Variants in SUSD4 observed in about 807,000 individuals in gnomAD.
The protein encoded by SUSD4 is sushi domain containing 4.
In SUSD4, 41 loss-of-function variants were observed where a neutral mutation model predicts 50.5. The ratio of observed to expected loss-of-function variants is 0.81; its 90% confidence interval spans 0.63 to 1.05. The LOEUF (loss-of-function observed/expected upper bound fraction) is 1.05. Ranked by LOEUF, SUSD4 falls within the 50% of genes least tolerant of loss-of-function variation. The pLI is 0.00. For missense variants in SUSD4, 580 were observed against 634.7 expected (o/e 0.91, Z 0.93); for synonymous variants, 257 against 257.3 (o/e 1.00, Z 0.01).
At chr1:223,323,180 AAAAGGAAGGAG>A (rs1666681377) in intron 2 of SUSD4, among the ~76,000 whole-genome samples, 1 of 151,838 alleles carries the variant, frequency 6.6e-6, no homozygotes, top group South Asian at 2.1e-4. Flanking sequence ...GAGAGTGACA[AAAAGGAAGGAG>A]GAAGGAAGGA....
At chr1:223,270,520 T>C (rs1175808562) in intron 3 of SUSD4, among the ~76,000 whole-genome samples, 1 of 152,144 alleles carries the variant, frequency 6.6e-6, no homozygotes, top group African/African-American at 2.4e-5. Context: ...AAGAACTGTG[T>C]TCTGGCTTTG....
chr1:223,266,971 C>T (rs1360347790), intron 4 of SUSD4, among the ~76,000 whole-genome samples: 1 of 152,212 alleles, frequency 6.6e-6, no homozygotes, highest in Non-Finnish European at 1.5e-5. Context: ...CAGGCCAGGG[C>T]ACCCACCCCC....
intron 2 of SUSD4, among the ~76,000 whole-genome samples, chr1:223,319,608 C>G (rs1015902563): frequency 2.6e-5 from 4 of 152,154 alleles, no homozygotes; most frequent in Non-Finnish European, 5.9e-5. Context: ...GAAAATTCAC[C>G]AACACACCAA....
intron 2 of SUSD4, among the ~76,000 whole-genome samples, chr1:223,342,192 G>A (rs985771718): frequency 6.6e-6 from 1 of 152,130 alleles, no homozygotes; most frequent in African/African-American, 2.4e-5. Context: ...GTGTCCTACT[G>A]TTTCTCTAGT....
chr1:223,300,633 G>A (rs1485283169), intron 2 of SUSD4, among the ~76,000 whole-genome samples: 1 of 151,732 alleles, frequency 6.6e-6, no homozygotes, highest in Non-Finnish European at 1.5e-5. Context: ...ACTGCTATAT[G>A]AGGCTTTGGA....
chr1:223,362,940 A>ACC (rs1411258473), intron 2 of SUSD4, among the ~76,000 whole-genome samples: 28 of 66,248 alleles, frequency 4.2e-4, no homozygotes, highest in African/African-American at 1.4e-3. Context: ...CCCACCCCCC[A>ACC]CCCCTCCCCC....
At chr1:223,324,363 T>C (rs892558275) in intron 2 of SUSD4, among the ~76,000 whole-genome samples, 3 of 151,470 alleles carry the variant, frequency 2.0e-5, no homozygotes, top group African/African-American at 7.3e-5. Context: ...GTGACTGTCA[T>C]CCATTGGCTG....
intron 3 of SUSD4, among the ~76,000 whole-genome samples, chr1:223,284,098 GGA>G (rs1558214067): frequency 1.4e-5 from 2 of 143,184 alleles, no homozygotes; most frequent in Non-Finnish European, 3.1e-5. Context: ...GGGGGAGGGG[GGA>G]GGGAAAGCAT....
At chr1:223,356,164 A>AT (rs11429350) in intron 2 of SUSD4, among the ~76,000 whole-genome samples, 38,848 of 146,752 alleles carry the variant, frequency 0.26, 5,067 homozygotes, top group African/African-American at 0.31. Flanking sequence ...AATTATTTCT[A>AT]TTTTTTTTTT....
At chr1:223,308,786 T>C (rs1665702803) in intron 2 of SUSD4, among the ~76,000 whole-genome samples, 1 of 152,174 alleles carries the variant, frequency 6.6e-6, no homozygotes, top group African/African-American at 2.4e-5. Flanking sequence ...CCTTCTATTC[T>C]GAGGGCAGCA....
At chr1:223,300,745 C>G (rs1180310983) in intron 2 of SUSD4, among the ~76,000 whole-genome samples, 2 of 152,188 alleles carry the variant, frequency 1.3e-5, no homozygotes, top group East Asian at 3.9e-4. Flanking sequence ...AAAGTTTAAA[C>G]AGACGGATTT....
intron 2 of SUSD4, among the ~76,000 whole-genome samples, chr1:223,309,260 C>A (rs1366463753): frequency 1.3e-5 from 2 of 152,132 alleles, no homozygotes; most frequent in African/African-American, 4.8e-5. Context: ...ATCTGCACAC[C>A]ACTACACATG....
rs373107631 is a variant in SUSD4 at position 223,222,234 on chromosome 1, G to C, written c.1445-14C>G. ...TTAGAGGAATCTCTGTAAAAGAAGAGACGGTTATTAGCTTAACATAACCAG... is the reference window on the plus strand; with the variant it reads ...TTAGAGGAATCTCTGTAAAAGAAGACACGGTTATTAGCTTAACATAACCAG... On this transcript the variant is annotated splice_polypyrimidine_tract_variant and intron_variant, in intron 8 of 8. Transcript: ENST00000366878. The C allele has an allele frequency of 6.2e-7, 1 of 1,613,436 alleles. No homozygotes were observed. The highest frequency in any genetic ancestry group is 1.1e-5 in the South Asian group (1 of 90,916).
chr1:223,297,752 C>T (rs1341655905), intron 2 of SUSD4, among the ~76,000 whole-genome samples: 2 of 152,216 alleles, frequency 1.3e-5, no homozygotes, highest in Non-Finnish European at 2.9e-5. Context: ...GTCTCCCTCA[C>T]TGGGCTGTGA....
At chr1:223,353,355 G>A (rs1045157927) in intron 2 of SUSD4, among the ~76,000 whole-genome samples, 16 of 152,166 alleles carry the variant, frequency 1.1e-4, no homozygotes, top group Non-Finnish European at 1.2e-4. Context: ...ATGTGCAGTG[G>A]AGAGGTGTCT....
intron 5 of SUSD4, among the ~76,000 whole-genome samples, chr1:223,233,829 C>T (rs1660047291): frequency 6.6e-6 from 1 of 152,162 alleles, no homozygotes; most frequent in Non-Finnish European, 1.5e-5. Flanking sequence ...TTCTGCAACT[C>T]CATTTTTCTT....
intron 2 of SUSD4, among the ~76,000 whole-genome samples, chr1:223,324,401 C>T (rs971159203): frequency 2.0e-5 from 3 of 151,660 alleles, no homozygotes; most frequent in Admixed American, 2.0e-4. Flanking sequence ...TGACTGTTCA[C>T]AATGAAGACC....
In SUSD4 at chr1:223,252,723, T is replaced by TTG. The variant is rs200207163; in HGVS notation, c.724+11906_724+11907insCA. Among the ~76,000 whole-genome samples the TTG allele has an allele frequency of 5.1e-3, 772 of 152,160 alleles. 32 individuals are homozygous for TTG. The East Asian group carries it at 0.11, about 22-fold the overall frequency. ...TATGAATTTCCATATAATTGGCTTT[T>TTG]TTTTTTAAACTCCAGTCATGCTTCC... is the stretch of plus-strand genomic sequence containing the variant. On this transcript the variant is annotated intron_variant, in intron 5 of 8. Transcript: ENST00000366878.
Position 223,364,070 on chromosome 1 carries a change from G to A in SUSD4, c.-49C>T, listed in dbSNP as rs1157858856. The A allele has an allele frequency of 1.3e-5, 2 of 152,212 alleles. No homozygotes were observed. The highest frequency in any genetic ancestry group is 2.9e-5 in the Non-Finnish European group (2 of 67,936). 9.4% of individuals were successfully genotyped at this position (152,212 alleles called of 1,614,324 possible). A position where few individuals can be genotyped will look rare whatever the true frequency, so the allele number is the denominator to read the frequency against. ...TGTCGGTCTTACCTGTGGGTCTCAT[G>A]CATGCAGCTTCCTTCCCTCCTCCGC... On this transcript the variant is annotated 5_prime_UTR_variant, in exon 1 of 9. Coordinates refer to ENST00000366878, the MANE Select transcript of SUSD4 (RefSeq NM_017982.4). This position sits in a 1 kb window ranked among gnomAD's most constrained non-coding sequence, Gnocchi z 4.5.
Sources: gnomAD v4.1 joint callset for allele counts (sites outside exome capture counted in the v4.1 genomes callset) on GRCh38, gnomAD v4.1.1 for gene constraint, Gnocchi (gnomAD v3.1) non-coding constraint, MANE v1.5 for transcripts, NCBI Gene and HGNC (gene_info 2026-07-23, HGNC 2026-07-21) for gene names.